The following PCDHB16 variants were observed in gnomAD, a reference collection of about 807,000 sequenced individuals.
The protein encoded by PCDHB16 is protocadherin beta 16.
For missense variants in PCDHB16, 1,026 were observed against 989.9 expected, an observed-to-expected ratio of 1.04 and a Z score of -0.49; for synonymous variants, 444 against 436.5, an observed-to-expected ratio of 1.02 and a Z score of -0.21.
rs1753629978 is a variant in PCDHB16, at chr5:141,183,691, A to T, written c.1132A>T (p.Asn378Tyr). 6.2e-7 allele frequency: 1 copy of T among 1,614,202 alleles called. No individual in the cohort carries two copies. Among genetic ancestry groups the T allele is most frequent in the Admixed American group, 1.7e-5 (1 of 60,024 alleles). The change falls in exon 1 of 1, where the codon AAT becomes TAT. Residue 378 changes from asparagine to tyrosine, a missense_variant. Transcript: ENST00000609684. Reference sequence around the variant, plus strand: ...CGTTTCAGATCCTGACTCCGGAAACAATGGGAAGACGATTTCCTCCATCCA... The same window carrying T: ...CGTTTCAGATCCTGACTCCGGAAACTATGGGAAGACGATTTCCTCCATCCA... ...FSVSDPDSGN[N>Y]GKTISSIQED...
rs781960565 is a variant in PCDHB16, at chr5:141,184,563, G to C, written c.2004G>C (p.Gln668His). 11 of 1,611,520 alleles carry C rather than the reference G, an allele frequency of 6.8e-6. No individual in the cohort carries two copies. The highest frequency in any genetic ancestry group is 1.1e-5 in the South Asian group (1 of 91,042). Residue 668 changes from glutamine to histidine, a missense_variant, in exon 1 of 1, where the codon CAG becomes CAC. Gln to His is a conservative substitution (Grantham distance 24). Transcript: ENST00000609684. Reference protein sequence around the residue: ...LHVLLVDGFSQPFLPLPEAAP... With the variant: ...LHVLLVDGFSHPFLPLPEAAP... The stretch of plus-strand genomic sequence containing the variant: ...TGCTCCTGGTGGACGGCTTCTCCCA[G>C]CCCTTCCTGCCGCTCCCAGAGGCGG...
Position 141,183,537 on chromosome 5 carries a change from T to G in PCDHB16, c.978T>G (p.Gly326=), listed in dbSNP as rs1283496077. 6.2e-7 allele frequency: 1 copy of G among 1,613,828 alleles called. No individual in the cohort carries two copies. Among genetic ancestry groups the G allele is most frequent in the Non-Finnish European group, 8.5e-7 (1 of 1,179,990 alleles). ...EVRIKATDGG[G]LSGKCTLLLQ... ...GCATCAAAGCCACAGATGGGGGAGG[T>G]CTTTCAGGAAAGTGCACTCTTCTCC... Residue 326 remains glycine (G), a synonymous_variant, in exon 1 of 1, where the codon GGT becomes GGG. Transcript: ENST00000609684.
In PCDHB16 at chr5:141,183,590, C is replaced by T. The variant is rs1563934853; in HGVS notation, c.1031C>T (p.Pro344Leu). The T allele has an allele frequency of 1.2e-6, 2 of 1,613,962 alleles. No homozygotes were observed. The highest frequency in any genetic ancestry group is 1.3e-5 in the African/African-American group (1 of 74,874). The change falls in exon 1 of 1, where the codon CCC (proline) becomes CTC (leucine). Residue 344 changes from proline to leucine, a missense_variant. By Grantham distance (98) the Pro-to-Leu change is moderately conservative. Coordinates refer to ENST00000609684, the MANE Select transcript of PCDHB16 (RefSeq NM_020957.4). Reference sequence around the variant, plus strand: ...CAGGTGGTGGACGTGAATGACAATCCCCCACAGGTGACCATGTCTGCACTC... The same window carrying T: ...CAGGTGGTGGACGTGAATGACAATCTCCCACAGGTGACCATGTCTGCACTC... ...LLQVVDVNDN[P>L]PQVTMSALTS...
rs1563939141 is a variant in PCDHB16, at chr5:141,185,403, CTTTCT to C, written c.*517_*521del. On this transcript the variant is annotated 3_prime_UTR_variant, in exon 1 of 1. Coordinates refer to ENST00000609684, the MANE Select transcript of PCDHB16 (RefSeq NM_020957.4). ...AAAGTTTCTTTCTTTCTTTTCTTTT[CTTTCT>C]TTTTTTTTTTTTCCTTTTTGAGACA... is the stretch of plus-strand genomic sequence containing the variant. 1.2e-5 allele frequency: 9 copies of C among 749,086 alleles called. No individual in the cohort carries two copies. The East Asian group carries it at 7.8e-4, about 65-fold the overall frequency. 46.4% of individuals were successfully genotyped at this position (749,086 alleles called of 1,614,324 possible). A position where few individuals can be genotyped will look rare whatever the true frequency, so the allele number is the denominator to read the frequency against.
At position 141,183,050 on chromosome 5, in the gene PCDHB16, G is replaced by T; in HGVS notation, c.491G>T (p.Ser164Ile). Residue 164 changes from serine (S) to isoleucine (I), a missense_variant, in exon 1 of 1, where the codon AGC becomes ATC. Ser to Ile is a moderately radical substitution (Grantham distance 142). Coordinates refer to ENST00000609684, the MANE Select transcript of PCDHB16 (RefSeq NM_020957.4). ...LNHALDLDVG[S>I]NNVQNYKISP... ...CATGCTTTGGACTTGGACGTAGGAA[G>T]CAATAATGTTCAAAACTATAAAATC... 6.2e-7 allele frequency: 1 copy of T among 1,614,212 alleles called. No individual in the cohort carries two copies. The highest frequency in any genetic ancestry group is 8.5e-7 in the Non-Finnish European group (1 of 1,180,048).
chr5:141,182,602 C>T lies in PCDHB16; in HGVS notation c.43C>T (p.Leu15Phe). ...GCACAATCGGAGACAAAGGCAAGTC[C>T]TTGTTTTCTTTGTTTTGCTGAGCTT... Reference protein sequence around the residue: ...WMHNRRQRQVLVFFVLLSLSG... With the variant: ...WMHNRRQRQVFVFFVLLSLSG... Residue 15 changes from leucine to phenylalanine, a missense_variant, in exon 1 of 1, where the codon CTT becomes TTT. Transcript: ENST00000609684. 6.5e-7 allele frequency: 1 copy of T among 1,537,874 alleles called. No homozygotes were observed. The highest frequency in any genetic ancestry group is 8.7e-7 in the Non-Finnish European group (1 of 1,145,232).
Position 141,186,188 on chromosome 5 carries a change from T to C in PCDHB16, c.*1298T>C. ...GTAAAGTTGAGCTTCTTTCTAGATATTAGGCCTTTGAATAAAATTCTATGT... is the reference window on the plus strand; with the variant it reads ...GTAAAGTTGAGCTTCTTTCTAGATACTAGGCCTTTGAATAAAATTCTATGT... On this transcript the variant is annotated 3_prime_UTR_variant, in exon 1 of 1. Transcript: ENST00000609684. 2 of 992,310 alleles carry C rather than the reference T, an allele frequency of 2.0e-6. No individual in the cohort carries two copies. The highest frequency in any genetic ancestry group is 2.4e-6 in the Non-Finnish European group (2 of 822,938). The allele number at this position is 992,310 out of a possible 1,614,324, so 61.5% of individuals were successfully genotyped here.
rs1753695289 is a variant in PCDHB16, at chr5:141,185,257, A to G, written c.*367A>G. ...TTACTTCTCAGTTTCCTAGAACTTC[A>G]AGTATTAAAATAACCTGTTGCATGT... On this transcript the variant is annotated 3_prime_UTR_variant, in exon 1 of 1. Transcript: ENST00000609684. 1.2e-5 allele frequency: 12 copies of G among 981,434 alleles called. No individual in the cohort carries two copies. In the South Asian group the frequency reaches 4.2e-4, roughly 35 times the overall value. 60.8% of individuals were successfully genotyped at this position (981,434 alleles called of 1,614,324 possible). A position where few individuals can be genotyped will look rare whatever the true frequency, so the allele number is the denominator to read the frequency against.
chr5:141,184,686 G>T lies in PCDHB16; in HGVS notation c.2127G>T (p.Val709=), dbSNP rs782077163. ...TCCTCTTTTCGGTGCTCCTGTTCGT[G>T]GCGGTGCGGCTGTGCAGGAGGAGCA... ...SLFLFSVLLF[V]AVRLCRRSRA... Residue 709 remains valine (V), a synonymous_variant, in exon 1 of 1, where the codon GTG becomes GTT. Coordinates refer to ENST00000609684, the MANE Select transcript of PCDHB16 (RefSeq NM_020957.4). 1.2e-6 allele frequency: 2 copies of T among 1,612,360 alleles called. No individual in the cohort carries two copies. Among genetic ancestry groups the T allele is most frequent in the East Asian group, 2.2e-5 (1 of 44,844 alleles).
chr5:141,182,797 C>T lies in PCDHB16; in HGVS notation c.238C>T (p.Gln80Ter). ...GNKQHLQLKA[Q>*]TGDLLINEKL... ...CAAACAGCATTTGCAGCTCAAGGCT[C>T]AAACTGGGGATTTGCTCATAAATGA... The change falls in exon 1 of 1, where the codon CAA becomes TAA. Residue 80 changes from glutamine to a stop codon, truncating the protein, a stop_gained. Coordinates refer to ENST00000609684, the MANE Select transcript of PCDHB16 (RefSeq NM_020957.4). LOFTEE classifies it low-confidence loss of function (END_TRUNC). The T allele has an allele frequency of 1.2e-6, 2 of 1,614,104 alleles. No homozygotes were observed. The highest frequency in any genetic ancestry group is 1.1e-5 in the South Asian group (1 of 91,078).
rs1753691802 is a variant in PCDHB16, at chr5:141,185,164, G to T, written c.*274G>T. ...AATATACTTTATCTTCAAAGTTGAT[G>T]TCATTTAAAATTTTTCCGTCTTTAT... is the stretch of plus-strand genomic sequence containing the variant. On this transcript the variant is annotated 3_prime_UTR_variant, in exon 1 of 1. Coordinates refer to ENST00000609684, the MANE Select transcript of PCDHB16 (RefSeq NM_020957.4). 2 of 1,174,750 alleles carry T rather than the reference G, an allele frequency of 1.7e-6. No homozygotes were observed. Among genetic ancestry groups the T allele is most frequent in the Admixed American group, 4.2e-5 (1 of 23,974 alleles). 72.8% of individuals were successfully genotyped at this position (1,174,750 alleles called of 1,614,324 possible).
rs1196705948 is a variant in PCDHB16, at chr5:141,182,494, A to G, written c.-66A>G. On this transcript the variant is annotated 5_prime_UTR_variant, in exon 1 of 1. Transcript: ENST00000609684. ...CTTGGTTCTGACATTCTGGACTGCA[A>G]AACAGTTCTACTAGGATCCTGGGGA... 2.1e-6 allele frequency: 3 copies of G among 1,425,596 alleles called. No individual in the cohort carries two copies. The highest frequency in any genetic ancestry group is 2.8e-6 in the Non-Finnish European group (3 of 1,061,646). The allele number at this position is 1,425,596 out of a possible 1,614,324, so 88.3% of individuals were successfully genotyped here.
In PCDHB16 at chr5:141,185,251, A is replaced by T. The variant is rs1306127512; in HGVS notation, c.*361A>T. 6.1e-6 allele frequency: 6 copies of T among 988,884 alleles called. No homozygotes were observed. The highest frequency in any genetic ancestry group is 7.4e-6 in the Non-Finnish European group (6 of 809,448). 61.3% of individuals were successfully genotyped at this position (988,884 alleles called of 1,614,324 possible). A position where few individuals can be genotyped will look rare whatever the true frequency, so the allele number is the denominator to read the frequency against. On this transcript the variant is annotated 3_prime_UTR_variant, in exon 1 of 1. Coordinates refer to ENST00000609684, the MANE Select transcript of PCDHB16 (RefSeq NM_020957.4). ...TTCATGTTACTTCTCAGTTTCCTAGAACTTCAAGTATTAAAATAACCTGTT... is the reference window on the plus strand; with the variant it reads ...TTCATGTTACTTCTCAGTTTCCTAGTACTTCAAGTATTAAAATAACCTGTT...
Position 141,185,231 on chromosome 5 carries a change from G to A in PCDHB16, c.*341G>A, listed in dbSNP as rs1753694288. ...ATTCATTTTTTGCTCCATTTTTCAT[G>A]TTACTTCTCAGTTTCCTAGAACTTC... On this transcript the variant is annotated 3_prime_UTR_variant, in exon 1 of 1. Coordinates refer to ENST00000609684, the MANE Select transcript of PCDHB16 (RefSeq NM_020957.4). The A allele has an allele frequency of 2.9e-6, 3 of 1,022,580 alleles. No homozygotes were observed. The highest frequency in any genetic ancestry group is 3.6e-6 in the Non-Finnish European group (3 of 836,386). The allele number at this position is 1,022,580 out of a possible 1,614,324, so 63.3% of individuals were successfully genotyped here.
rs1753726933 is a variant in PCDHB16, at chr5:141,186,096, T to C, written c.*1206T>C. On this transcript the variant is annotated 3_prime_UTR_variant, in exon 1 of 1. Coordinates refer to ENST00000609684, the MANE Select transcript of PCDHB16 (RefSeq NM_020957.4). Reference sequence around the variant, plus strand: ...CTTTTATATTCATCATAGTATACATTGGCGGTATCTAGCCCTTTCTCTGTA... The same window carrying C: ...CTTTTATATTCATCATAGTATACATCGGCGGTATCTAGCCCTTTCTCTGTA... 1.0e-6 allele frequency: 1 copy of C among 999,530 alleles called. No homozygotes were observed. Among genetic ancestry groups the C allele is most frequent in the Admixed American group, 6.2e-5 (1 of 16,260 alleles). 61.9% of individuals were successfully genotyped at this position (999,530 alleles called of 1,614,324 possible). A position where few individuals can be genotyped will look rare whatever the true frequency, so the allele number is the denominator to read the frequency against.
chr5:141,184,272 C>A lies in PCDHB16; in HGVS notation c.1713C>A (p.Pro571=). The A allele has an allele frequency of 2.5e-6, 4 of 1,592,724 alleles. No homozygotes were observed. The South Asian group carries it at 3.3e-5, about 13-fold the overall frequency. The change falls in exon 1 of 1, where the codon CCC becomes CCA. Residue 571 remains proline, a synonymous_variant. Transcript: ENST00000609684. ...VLYPLQNGSA[P]CTELVPRAAE... Reference sequence around the variant, plus strand: ...ACCCGCTGCAGAACGGCTCCGCGCCCTGCACTGAGCTGGTGCCCCGGGCGG... The same window carrying A: ...ACCCGCTGCAGAACGGCTCCGCGCCATGCACTGAGCTGGTGCCCCGGGCGG...
At position 141,185,963 on chromosome 5, in the gene PCDHB16, A is replaced by G. The variant is rs1456653680; in HGVS notation, c.*1073A>G. The G allele has an allele frequency of 1.0e-6, 1 of 952,484 alleles. No individual in the cohort carries two copies. The highest frequency in any genetic ancestry group is 1.3e-6 in the Non-Finnish European group (1 of 786,616). The allele number at this position is 952,484 out of a possible 1,614,324, so 59.0% of individuals were successfully genotyped here. On this transcript the variant is annotated 3_prime_UTR_variant, in exon 1 of 1. Transcript: ENST00000609684. The stretch of plus-strand genomic sequence containing the variant: ...AAATATTTAATAATTTATTCTTTCT[A>G]TTACTGAATTAAAAAATCAGAGGTC...
In PCDHB16 at chr5:141,185,866, A is replaced by G. The variant is rs1753719931; in HGVS notation, c.*976A>G. ...CAGCCTTATCTAAAAATAAAAAGAGAAGCCATTGTAAGACATTCAGTATGT... is the reference window on the plus strand; with the variant it reads ...CAGCCTTATCTAAAAATAAAAAGAGGAGCCATTGTAAGACATTCAGTATGT... On this transcript the variant is annotated 3_prime_UTR_variant, in exon 1 of 1. Transcript: ENST00000609684. 1.0e-6 allele frequency: 1 copy of G among 990,928 alleles called. No homozygotes were observed. The highest frequency in any genetic ancestry group is 1.2e-6 in the Non-Finnish European group (1 of 821,612). The allele number at this position is 990,928 out of a possible 1,614,324, so 61.4% of individuals were successfully genotyped here.
At position 141,184,707 on chromosome 5, in the gene PCDHB16, G is replaced by T. The variant is rs149414383; in HGVS notation, c.2148G>T (p.Arg716Ser). Residue 716 changes from arginine to serine, a missense_variant, in exon 1 of 1, where the codon AGG (arginine) becomes AGT (serine). Coordinates refer to ENST00000609684, the MANE Select transcript of PCDHB16 (RefSeq NM_020957.4). ...TCGTGGCGGTGCGGCTGTGCAGGAGGAGCAGGGCGGCCTCGGTGGGCCGCT... is the reference window on the plus strand; with the variant it reads ...TCGTGGCGGTGCGGCTGTGCAGGAGTAGCAGGGCGGCCTCGGTGGGCCGCT... ...LLFVAVRLCRRSRAASVGRCS... is the reference protein window; with the variant it reads ...LLFVAVRLCRSSRAASVGRCS... 3 of 1,612,510 alleles carry T rather than the reference G, an allele frequency of 1.9e-6. No individual in the cohort carries two copies. Among genetic ancestry groups the T allele is most frequent in the Non-Finnish European group, 1.7e-6 (2 of 1,178,880 alleles).
Sources: allele counts gnomAD v4.1 joint callset, GRCh38; gene constraint gnomAD v4.1.1; transcripts MANE v1.5; gene names NCBI Gene and HGNC (gene_info 2026-07-23, HGNC 2026-07-21).